The following RASGRP2 variants were observed in gnomAD, a reference collection of about 807,000 sequenced individuals.
RASGRP2 encodes the protein RAS guanyl releasing protein 2, also known as RAS guanyl-releasing protein 2.
A neutral mutation model predicts 71.0 loss-of-function variants in RASGRP2; 44 were observed. The observed-to-expected ratio is 0.62, with a 90% CI of 0.49 to 0.80. The LOEUF is 0.80. Ranked by LOEUF, RASGRP2 falls within the 30% of genes least tolerant of loss-of-function variation. The probability of loss-of-function intolerance (pLI) is 0.00; values close to 1 mark genes in which losing one functional copy is unlikely to be tolerated. For synonymous variants in RASGRP2, 350 were observed against 330.7 expected, an observed-to-expected ratio of 1.06 and a Z score of -0.63; for missense variants, 663 against 813.4, an observed-to-expected ratio of 0.82 and a Z score of 2.25.
chr11:64,727,165 C>A (rs910397654), intron 16 of RASGRP2, 34 bp from the exon 17 acceptor site: 7 of 731,840 alleles, frequency 9.6e-6, no homozygotes, highest in South Asian at 2.9e-5. Flanking sequence ...GAGGAAGACA[C>A]CCCCCTAACA....
Position 64,735,367 on chromosome 11 carries a change from TCCA to T in RASGRP2, c.1297-143_1297-141del. The stretch of plus-strand genomic sequence containing the variant: ...TCTGACACCACCCCCGTTCCATACC[TCCA>T]CCCCCACCCTACCCAGGGGCACTTC... On this transcript the variant is annotated intron_variant, in intron 11 of 16. Coordinates refer to ENST00000394432, the MANE Select transcript of RASGRP2 (RefSeq NM_001098671.2). This position sits in a 1 kb window ranked among gnomAD's most constrained non-coding sequence, Gnocchi z 4.2. 1 of 1,319,822 alleles carries T rather than the reference TCCA, an allele frequency of 7.6e-7. No individual in the cohort carries two copies. The highest frequency in any genetic ancestry group is 1.1e-6 in the Non-Finnish European group (1 of 923,930). 81.8% of individuals were successfully genotyped at this position (1,319,822 alleles called of 1,614,324 possible). A position where few individuals can be genotyped will look rare whatever the true frequency, so the allele number is the denominator to read the frequency against.
chr11:64,733,395 A>AACACAC lies in RASGRP2; in HGVS notation c.1412+1711_1412+1716dup, dbSNP rs4014428. Among the ~76,000 whole-genome samples, 688 of 124,892 alleles carry AACACAC rather than the reference A, an allele frequency of 5.5e-3. 4 individuals carry two copies. The highest frequency in any genetic ancestry group is 0.012 in the South Asian group (42 of 3,398). The allele number at this position is 124,892 out of a possible 152,430, so 81.9% of individuals were successfully genotyped here. On this transcript the variant is annotated intron_variant, in intron 12 of 16. Coordinates refer to ENST00000394432, the MANE Select transcript of RASGRP2 (RefSeq NM_001098671.2). ...ACCCAACCAGGGCTTCCCCCTCACCAACACACACACACACACACACACACA... is the reference window on the plus strand; with the variant it reads ...ACCCAACCAGGGCTTCCCCCTCACCAACACACACACACACACACACACACACACACA...
At chr11:64,736,122 CA>C in intron 9 of RASGRP2, 142 bp from the exon 10 acceptor site, 1 of 722,838 alleles carries the variant, frequency 1.4e-6, no homozygotes, top group South Asian at 1.5e-5. Context: ...GCTTAGAACA[CA>C]GCACAGCAAC....
Position 64,728,849 on chromosome 11 carries a change from T to C in RASGRP2, c.1771+14A>G, listed in dbSNP as rs1427941842. 1 of 1,600,844 alleles carries C rather than the reference T, an allele frequency of 6.2e-7. No homozygotes were observed. Among genetic ancestry groups the C allele is most frequent in the Non-Finnish European group, 8.5e-7 (1 of 1,172,068 alleles). On this transcript the variant is annotated intron_variant, in intron 15 of 16. Transcript: ENST00000394432. ...CTTCCCTCCACAGGCCAGTACAGAA[T>C]GACTCCCTCTTACCTGGAGGCCTGG...
upstream of RASGRP2, chr11:64,744,906 C>A (rs1444571837): frequency 3.4e-5 from 5 of 146,802 alleles, no homozygotes; most frequent in East Asian, 6.0e-4. Context: ...CCCCCTCCCC[C>A]CTCCGCCCCT....
At position 64,740,070 on chromosome 11, in the gene RASGRP2, G is replaced by A. The variant is rs1260283417; in HGVS notation, c.465C>T (p.Pro155=). The change falls in exon 6 of 17, where the codon CCC becomes CCT. Residue 155 remains proline, a synonymous_variant. Transcript: ENST00000394432. ...KMSLLFDHLE[P]MELAEHLTYL... is the part of the protein sequence containing the mutation. ...AGGTGAGATGCTCCGCCAGCTCCATGGGCTCCAGGTGGTCAAACAACAGGG... is the reference window on the plus strand; with the variant it reads ...AGGTGAGATGCTCCGCCAGCTCCATAGGCTCCAGGTGGTCAAACAACAGGG... 6.2e-7 allele frequency: 1 copy of A among 1,614,162 alleles called. No individual in the cohort carries two copies. The highest frequency in any genetic ancestry group is 1.7e-5 in the Admixed American group (1 of 60,024).
chr11:64,737,864 G>A (rs565825456), intron 8 of RASGRP2, among the ~76,000 whole-genome samples: 39 of 151,674 alleles, frequency 2.6e-4, no homozygotes, highest in Admixed American at 6.6e-4. Context: ...GACCAGCCTC[G>A]GCAACATGGT....
intron 5 of RASGRP2, chr11:64,740,730 CAGG>C (rs573960463): frequency 3.9e-4 from 272 of 690,048 alleles, no homozygotes; most frequent in Non-Finnish European, 6.4e-4. Flanking sequence ...AGCGCAGCTA[CAGG>C]AGGAGGTGTG....
At position 64,728,939 on chromosome 11, in the gene RASGRP2, T is replaced by G. The variant is rs770015722; in HGVS notation, c.1695A>C (p.Ser565=). Reference sequence around the variant, plus strand: ...CGCGGTGATGGTGGCTGTGCATGGGTGAGGGTGAGGGTGCAGACCCCTCCA... The same window carrying G: ...CGCGGTGATGGTGGCTGTGCATGGGGGAGGGTGAGGGTGCAGACCCCTCCA... ...VSLEGSAPSP[S]PMHSHHHRAF... Residue 565 remains serine (S), a synonymous_variant, in exon 15 of 17, where the codon TCA becomes TCC. Coordinates refer to ENST00000394432, the MANE Select transcript of RASGRP2 (RefSeq NM_001098671.2). 4 of 1,612,616 alleles carry G rather than the reference T, an allele frequency of 2.5e-6. No homozygotes were observed. The South Asian group carries it at 4.4e-5, about 18-fold the overall frequency.
At position 64,735,820 on chromosome 11, in the gene RASGRP2, G is replaced by T; in HGVS notation, c.1173+83C>A. 6.7e-7 allele frequency: 1 copy of T among 1,489,398 alleles called. No homozygotes were observed. Among genetic ancestry groups the T allele is most frequent in the Non-Finnish European group, 9.2e-7 (1 of 1,084,400 alleles). 92.3% of individuals were successfully genotyped at this position (1,489,398 alleles called of 1,614,324 possible). On this transcript the variant is annotated intron_variant, in intron 10 of 16. Coordinates refer to ENST00000394432, the MANE Select transcript of RASGRP2 (RefSeq NM_001098671.2). The surrounding 1 kb of genome is among the most constrained non-coding windows in gnomAD (Gnocchi z 4.2). ...TCCTACAAGATGGATGGGTGAGGTG[G>T]CTGCTAAGAGCTCTTCCCATCCTCA...
At chr11:64,740,490 C>T (rs1295397945) in intron 5 of RASGRP2, 6 of 625,386 alleles carry the variant, frequency 9.6e-6, no homozygotes, top group Admixed American at 2.1e-5. Context: ...CACAAAACAG[C>T]GTGACACATG....
In RASGRP2 at chr11:64,736,849, C is replaced by T. The variant is rs374345558; in HGVS notation, c.999G>A (p.Lys333=). 550 of 1,613,478 alleles carry T rather than the reference C, an allele frequency of 3.4e-4. No individual in the cohort carries two copies. The highest frequency in any genetic ancestry group is 4.4e-4 in the Non-Finnish European group (521 of 1,180,026). ...DPARTRLNGA[K]MKQLFSILEE... ...CCAGGATGCTAAAGAGCTGCTTCAT[C>T]TTGGCCCCGTTGAGCCGGGTCCGGG... is the stretch of plus-strand genomic sequence containing the variant. Residue 333 remains lysine (K), a synonymous_variant, in exon 9 of 17, where the codon AAG becomes AAA. Coordinates refer to ENST00000394432, the MANE Select transcript of RASGRP2 (RefSeq NM_001098671.2).
rs72927040 is a variant in RASGRP2 at position 64,729,273 on chromosome 11, G to A, written c.1592-231C>T. The stretch of plus-strand genomic sequence containing the variant: ...CATCAAAATAAATGGCCTCTTAAAC[G>A]CCACTCCCTTCACATCAGTCATCTT... On this transcript the variant is annotated intron_variant, in intron 14 of 16. Coordinates refer to ENST00000394432, the MANE Select transcript of RASGRP2 (RefSeq NM_001098671.2). 0.019 allele frequency among the ~76,000 whole-genome samples: 2,851 copies of A among 152,020 alleles called. 41 individuals are homozygous for A. Among genetic ancestry groups the A allele is most frequent in the Middle Eastern group, 0.078 (23 of 294 alleles).
chr11:64,737,073 A>C, intron 8 of RASGRP2, 39 bp from the exon 9 acceptor site: 2 of 1,610,920 alleles, frequency 1.2e-6, no homozygotes, highest in Non-Finnish European at 8.5e-7. Flanking sequence ...CCCCACAACT[A>C]TCCTCCCTAC....
At chr11:64,740,869 A>G in intron 5 of RASGRP2, 79 bp downstream of exon 5, 1 of 1,563,994 alleles carries the variant, frequency 6.4e-7, no homozygotes, top group Non-Finnish European at 8.8e-7. Context: ...TCACTCATTC[A>G]GTTCAACAGA....
At chr11:64,741,215 C>T (rs2058110430) in intron 4 of RASGRP2, 136 bp from the exon 5 acceptor site, 1 of 1,225,468 alleles carries the variant, frequency 8.2e-7, no homozygotes, top group African/African-American at 1.5e-5. Context: ...CTTCGCCACT[C>T]CAAGTGTACA....
Position 64,735,546 on chromosome 11 carries a change from A to G in RASGRP2, c.1292T>C (p.Val431Ala). The change falls in exon 11 of 17, where the codon GTG becomes GCG. Residue 431 changes from valine (V) to alanine (A), a missense_variant. Physicochemically the swap from Val to Ala is moderately conservative, Grantham distance 64. Transcript: ENST00000394432. The surrounding 1 kb of genome is among the most constrained non-coding windows in gnomAD (Gnocchi z 4.2). Reference protein sequence around the residue: ...ALVVEHIEKMVESVFRNFDVD... With the variant: ...ALVVEHIEKMAESVFRNFDVD... Reference sequence around the variant, plus strand: ...TCAGGCTCCGCAGGAGCTCACCTCCACCATCTTCTCGATGTGCTCCACCAC... The same window carrying G: ...TCAGGCTCCGCAGGAGCTCACCTCCGCCATCTTCTCGATGTGCTCCACCAC... The G allele has an allele frequency of 6.2e-7, 1 of 1,613,456 alleles. No individual in the cohort carries two copies. Among genetic ancestry groups the G allele is most frequent in the Admixed American group, 1.7e-5 (1 of 59,976 alleles).
chr11:64,741,412 G>A, intron 4 of RASGRP2, 27 bp downstream of exon 4: 1 of 1,517,586 alleles, frequency 6.6e-7, no homozygotes, highest in Non-Finnish European at 9.0e-7. Context: ...AAAGGGGAGG[G>A]GCTAGAGCCC....
intron 5 of RASGRP2, 39 bp from the exon 6 acceptor site, chr11:64,740,202 C>A (rs1197913147): frequency 2.5e-6 from 4 of 1,612,962 alleles, no homozygotes; most frequent in East Asian, 4.5e-5. Context: ...GCTGGACATG[C>A]GCATGACTCG....
Sources: allele counts gnomAD v4.1 joint callset (sites outside exome capture counted in the v4.1 genomes callset), GRCh38; gene constraint gnomAD v4.1.1; non-coding constraint Gnocchi (gnomAD v3.1); transcripts MANE v1.5; gene names NCBI Gene and HGNC (gene_info 2026-07-23, HGNC 2026-07-21).